Variants in ABCA10 observed in about 807,000 individuals in gnomAD.
ABCA10 encodes ATP-binding cassette sub-family A member 10.
Under a neutral mutation model 187.5 loss-of-function variants are expected in ABCA10, and 169 were observed. The ratio of observed to expected loss-of-function variants is 0.90; its 90% CI spans 0.80 to 1.02. The LOEUF is 1.02. Among genes scored for constraint, ABCA10 ranks in the 50% least tolerant of loss-of-function variants. ABCA10 has a pLI of 0.00. For missense variants in ABCA10, 1,727 were observed against 1,812.4 expected (o/e 0.95, Z 0.86); for synonymous variants, 574 against 601.8 (o/e 0.95, Z 0.68).
chr17:69,157,721 A>G (rs1050773416), intron 27 of ABCA10, among the ~76,000 whole-genome samples: 9 of 152,132 alleles, frequency 5.9e-5, no homozygotes, highest in African/African-American at 2.2e-4. Flanking sequence ...CTGAATATCA[A>G]TGGGAAAGGC....
intron 28 of ABCA10, among the ~76,000 whole-genome samples, chr17:69,156,523 G>A (rs889191680): frequency 4.6e-5 from 7 of 152,138 alleles, no homozygotes; most frequent in Non-Finnish European, 8.8e-5. Flanking sequence ...ATAAACTGAT[G>A]TTAAATGTAC....
intron 21 of ABCA10, 128 bp from the exon 22 acceptor site, chr17:69,182,418 C>T (rs1257143084): frequency 5.0e-6 from 5 of 998,360 alleles, no homozygotes; most frequent in Non-Finnish European, 4.0e-6. Context: ...GACACTTCTG[C>T]CTTCTTTGAA....
At chr17:69,227,750 A>G (rs1299589876) in intron 1 of ABCA10, among the ~76,000 whole-genome samples, 1 of 151,972 alleles carries the variant, frequency 6.6e-6, no homozygotes, top group African/African-American at 2.4e-5. Flanking sequence ...GGGCACATGT[A>G]TTTGATATCT....
chr17:69,193,680 A>G, intron 13 of ABCA10, 68 bp from the exon 14 acceptor site: 1 of 1,549,488 alleles, frequency 6.5e-7, no homozygotes, highest in Non-Finnish European at 8.7e-7. Context: ...CTCTCTAAAA[A>G]TGAAAAGGAT....
chr17:69,182,920 C>G, intron 20 of ABCA10, 112 bp from the exon 21 acceptor site: 1 of 1,348,590 alleles, frequency 7.4e-7, no homozygotes, highest in African/African-American at 1.5e-5. Context: ...CCCAGAATAG[C>G]TTAGTAAAGA....
intron 9 of ABCA10, among the ~76,000 whole-genome samples, chr17:69,206,533 C>T (rs1265115303): frequency 6.6e-6 from 1 of 152,186 alleles, no homozygotes; most frequent in Non-Finnish European, 1.5e-5. Flanking sequence ...TGTGCCACCC[C>T]TTCCCAACCT....
At chr17:69,209,824 C>G (rs1482378289) in intron 9 of ABCA10, among the ~76,000 whole-genome samples, 1 of 152,144 alleles carries the variant, frequency 6.6e-6, no homozygotes, top group Non-Finnish European at 1.5e-5. Context: ...ACCTGTACAG[C>G]ATGTTACTGT....
intron 36 of ABCA10, 106 bp from the exon 37 acceptor site, chr17:69,150,169 G>A (rs972173566): frequency 2.6e-6 from 2 of 764,084 alleles, no homozygotes; most frequent in South Asian, 3.8e-5. Context: ...CTTTAAATAA[G>A]TGTCTGATTT....
chr17:69,216,193 G>C (rs1414921247), intron 7 of ABCA10, 24 bp downstream of exon 7: 2 of 1,600,428 alleles, frequency 1.2e-6, no homozygotes, highest in Admixed American at 1.7e-5. Flanking sequence ...CAGGTTAAGA[G>C]GTAATATGCT....
At position 69,216,072 on chromosome 17, in the gene ABCA10, C is replaced by T. The variant is rs538120738; in HGVS notation, c.673-72G>A. 24 of 1,560,430 alleles carry T rather than the reference C, an allele frequency of 1.5e-5. No homozygotes were observed. In the South Asian group the frequency reaches 2.7e-4, roughly 17 times the overall value. ...CATAAATAGCAATATTCATCGATTT[C>T]TCACATTGTCAAAAATTTTCTCAAA... On this transcript the variant is annotated intron_variant, in intron 7 of 38. Transcript: ENST00000690296.
At chr17:69,195,751 T>C (rs879786436) in intron 11 of ABCA10, among the ~76,000 whole-genome samples, 9 of 151,296 alleles carry the variant, frequency 5.9e-5, no homozygotes, top group African/African-American at 9.8e-5. Context: ...GATTAGGGAG[T>C]GGTGATGACT....
chr17:69,230,573 T>C (rs553926648), upstream of ABCA10, among the ~76,000 whole-genome samples: 2 of 152,208 alleles, frequency 1.3e-5, no homozygotes, highest in East Asian at 3.9e-4. Flanking sequence ...CTTATGCACA[T>C]CCACGTTACA....
chr17:69,165,217 G>T (rs556205042), intron 25 of ABCA10, 134 bp from the exon 26 acceptor site: 18 of 740,332 alleles, frequency 2.4e-5, no homozygotes, highest in Non-Finnish European at 3.7e-5. Flanking sequence ...AATATTCTTA[G>T]GATATCCTCT....
At chr17:69,207,572 T>TA (rs1315584906) in intron 9 of ABCA10, among the ~76,000 whole-genome samples, 2 of 152,074 alleles carry the variant, frequency 1.3e-5, no homozygotes, top group African/African-American at 4.8e-5. Flanking sequence ...ATTTAGCTTG[T>TA]AAAAAAAGGA....
intron 3 of ABCA10, 61 bp from the exon 4 acceptor site, chr17:69,222,758 A>AACAAAAT: frequency 7.1e-7 from 1 of 1,409,404 alleles, no homozygotes. Flanking sequence ...AGGACACAAA[A>AACAAAAT]ACAAAATACA....
At chr17:69,150,229 T>G in intron 36 of ABCA10, 166 bp from the exon 37 acceptor site, 1 of 503,670 alleles carries the variant, frequency 2.0e-6, no homozygotes, top group Non-Finnish European at 3.5e-6. Flanking sequence ...TAAAAAAAGT[T>G]ATAACAACAA....
chr17:69,230,509 A>G (rs958408375), upstream of ABCA10, among the ~76,000 whole-genome samples: 27 of 151,758 alleles, frequency 1.8e-4, no homozygotes, highest in African/African-American at 6.1e-4. Flanking sequence ...TTACATATTT[A>G]TAATTATACA....
rs369404727 is a variant in ABCA10 at position 69,154,220 on chromosome 17, T to A, written c.3786+15A>T. ...ATCAATATTTAAAATAAAATTTCCT[T>A]CACATGTCACATACCACTCCTGCAG... On this transcript the variant is annotated intron_variant, in intron 31 of 38. Transcript: ENST00000690296. The A allele has an allele frequency of 5.3e-5, 83 of 1,579,690 alleles. No homozygotes were observed. Among genetic ancestry groups the A allele is most frequent in the Non-Finnish European group, 6.6e-5 (77 of 1,163,904 alleles).
At chr17:69,221,674 G>T in intron 5 of ABCA10, 118 bp downstream of exon 5, 3 of 898,962 alleles carry the variant, frequency 3.3e-6, no homozygotes, top group Non-Finnish European at 4.9e-6. Context: ...TTTTCTCTGA[G>T]GATGACAGGC....
Sources: allele counts gnomAD v4.1 joint callset (sites outside exome capture counted in the v4.1 genomes callset), GRCh38; gene constraint gnomAD v4.1.1; transcripts MANE v1.5; gene names NCBI Gene and HGNC (gene_info 2026-07-23, HGNC 2026-07-21).